Variants in TRMT11 observed in about 807,000 individuals in gnomAD.
The protein encoded by TRMT11 is tRNA methyltransferase 11.
In TRMT11, 53 loss-of-function variants were observed where a neutral mutation model predicts 62.8. That is an observed-to-expected ratio of 0.84 (90% confidence interval 0.68 to 1.06). TRMT11 has a LOEUF of 1.06. Among genes scored for constraint, TRMT11 ranks in the 50% least tolerant of loss-of-function variants. The pLI, the probability that TRMT11 is intolerant of heterozygous loss-of-function variation, is 0.00. For synonymous variants in TRMT11, 188 were observed against 190.3 expected, an observed-to-expected ratio of 0.99 and a Z score of 0.10; for missense variants, 556 against 553.4, an observed-to-expected ratio of 1.00 and a Z score of -0.05.
chr6:126,183,462 G>T (rs1583902114), intron 1 of TRMT11, among the ~76,000 whole-genome samples: 1 of 152,226 alleles, frequency 6.6e-6, no homozygotes. Flanking sequence ...GGAAACAATT[G>T]GTAGGTCCCC....
At chr6:126,115,072 A>G (rs2128190585) in intron 19 of TRMT11, among the ~76,000 whole-genome samples, 1 of 151,988 alleles carries the variant, frequency 6.6e-6, no homozygotes, top group Non-Finnish European at 1.5e-5. Context: ...CCCTCCATAT[A>G]CTGTGCTCCT....
chr6:126,135,943 A>G (rs1484978735), intron 21 of TRMT11, among the ~76,000 whole-genome samples: 1 of 151,900 alleles, frequency 6.6e-6, no homozygotes, highest in Non-Finnish European at 1.5e-5. Context: ...ACATCCCTTT[A>G]TGATAAAAAC....
At chr6:126,222,159 A>G in the TRMT11 span, among the ~76,000 whole-genome samples, 1 of 152,102 alleles carries the variant, frequency 6.6e-6, no homozygotes, top group African/African-American at 2.4e-5. Context: ...AACCTGTTCC[A>G]TTAGTCTATG....
intron 1 of TRMT11, among the ~76,000 whole-genome samples, chr6:126,178,301 GGCC>G (rs1778414006): frequency 6.6e-6 from 1 of 152,128 alleles, no homozygotes. Context: ...ATGAGTGCTT[GGCC>G]ATCTTGGCCC....
the TRMT11 span, among the ~76,000 whole-genome samples, chr6:126,242,453 C>T: frequency 2.0e-5 from 3 of 152,092 alleles, no homozygotes; most frequent in Non-Finnish European, 2.9e-5. Flanking sequence ...TCATATGGTA[C>T]CAAAAAAAGC....
chr6:126,223,421 G>A, the TRMT11 span, among the ~76,000 whole-genome samples: 2 of 134,078 alleles, frequency 1.5e-5, no homozygotes, highest in South Asian at 2.2e-4. Flanking sequence ...ACTCCGTCTC[G>A]AAAAAACAAA....
At chr6:126,132,373 C>T (rs1476354593) in intron 21 of TRMT11, among the ~76,000 whole-genome samples, 2 of 151,838 alleles carry the variant, frequency 1.3e-5, no homozygotes, top group Non-Finnish European at 2.9e-5. Context: ...TTGGAATATC[C>T]CAAGAAAGTG....
the TRMT11 span, among the ~76,000 whole-genome samples, chr6:126,240,927 C>G: frequency 6.6e-6 from 1 of 152,242 alleles, no homozygotes; most frequent in Admixed American, 6.5e-5. Context: ...CCTCCCCCAG[C>G]CTCGCTGCTG....
At chr6:125,989,235 C>G (rs1312751181) in intron 1 of TRMT11, among the ~76,000 whole-genome samples, 1 of 144,766 alleles carries the variant, frequency 6.9e-6, no homozygotes, top group Non-Finnish European at 1.5e-5. Flanking sequence ...TCAAGTGATT[C>G]ACCTGCCTCA....
intron 17 of TRMT11, among the ~76,000 whole-genome samples, chr6:126,069,495 A>G (rs1350977801): frequency 1.3e-5 from 2 of 152,146 alleles, no homozygotes; most frequent in East Asian, 3.9e-4. Flanking sequence ...TTATTTTTTA[A>G]TGAAGTCAAC....
chr6:126,112,539 T>C (rs745742890), intron 17 of TRMT11, among the ~76,000 whole-genome samples: 9 of 152,132 alleles, frequency 5.9e-5, no homozygotes, highest in Non-Finnish European at 1.2e-4. Flanking sequence ...ACCTCCAAGA[T>C]ATTTTGGCTG....
At chr6:126,018,281 G>A (rs1459652469) in intron 11 of TRMT11, among the ~76,000 whole-genome samples, 2 of 152,064 alleles carry the variant, frequency 1.3e-5, no homozygotes, top group African/African-American at 4.8e-5. Context: ...CTCTTACTTA[G>A]GAAAGAGGAA....
the TRMT11 span, among the ~76,000 whole-genome samples, chr6:126,254,359 T>C: frequency 1.3e-5 from 2 of 152,234 alleles, no homozygotes; most frequent in African/African-American, 4.8e-5. Context: ...AAGTTATACT[T>C]GTTATCAGTT....
At chr6:126,093,805 A>G (rs1207081926) in intron 17 of TRMT11, among the ~76,000 whole-genome samples, 2 of 151,332 alleles carry the variant, frequency 1.3e-5, no homozygotes, top group Admixed American at 1.3e-4. Flanking sequence ...ACACTCTAAA[A>G]CTAGTAAGTT....
At chr6:126,057,003 T>C (rs1020262517) in intron 17 of TRMT11, among the ~76,000 whole-genome samples, 1 of 152,228 alleles carries the variant, frequency 6.6e-6, no homozygotes, top group Admixed American at 6.6e-5. Context: ...TTCTGTTCAG[T>C]GAACTCTGGT....
downstream of TRMT11, among the ~76,000 whole-genome samples, chr6:126,041,490 C>T (rs1383612004): frequency 6.6e-6 from 1 of 152,088 alleles, no homozygotes; most frequent in African/African-American, 2.4e-5. Context: ...GAACTGCTGA[C>T]ATCTTATGCT....
chr6:126,164,937 G>T (rs571980781), intron 21 of TRMT11, among the ~76,000 whole-genome samples: 1,731 of 152,180 alleles, frequency 0.011, 32 homozygotes, highest in African/African-American at 0.038. Context: ...TATCCAATGT[G>T]CTAGTCTGTG....
At chr6:126,105,542 G>T (rs2128182778) in intron 17 of TRMT11, among the ~76,000 whole-genome samples, 1 of 152,128 alleles carries the variant, frequency 6.6e-6, no homozygotes, top group African/African-American at 2.4e-5. Flanking sequence ...TCCCCCAGTT[G>T]TTCGGAGACG....
chr6:126,146,480 G>A (rs918779043), intron 21 of TRMT11, among the ~76,000 whole-genome samples: 1 of 151,854 alleles, frequency 6.6e-6, no homozygotes, highest in East Asian at 1.9e-4. Flanking sequence ...GGTTTTAATA[G>A]CATCTACCTC....
Sources: allele counts gnomAD v4.1 joint callset (sites outside exome capture counted in the v4.1 genomes callset), GRCh38; gene constraint gnomAD v4.1.1; transcripts MANE v1.5; gene names NCBI Gene and HGNC (gene_info 2026-07-23, HGNC 2026-07-21).